The following WWOX variants were observed in gnomAD, a reference collection of about 807,000 sequenced individuals.
The protein encoded by WWOX is WW domain-containing oxidoreductase.
WWOX carries 69 observed loss-of-function variants against 46.2 expected under a neutral mutation model. The observed-to-expected ratio is 1.49, with a 90% CI of 1.23 to 1.82. The LOEUF (loss-of-function observed/expected upper bound fraction) is 1.82. Ranked by LOEUF, WWOX falls within the 40% of genes most tolerant of loss-of-function variation. WWOX has a pLI of 0.00. For missense variants in WWOX, 919 were observed against 542.6 expected (o/e 1.69, Z -6.89); for synonymous variants, 359 against 202.6 (o/e 1.77, Z -6.56).
rs144970531 is a variant in WWOX, at chr16:78,805,753, C to T, written c.1056+373001C>T. ...TGCCAACTTCCTTTAACTCTTTATA[C>T]GGCTATATCTCCATAGATATCCAGT... On this transcript the variant is annotated intron_variant, in intron 8 of 8. Transcript: ENST00000566780. Among the ~76,000 whole-genome samples the T allele has an allele frequency of 1.3e-3, 203 of 152,306 alleles. 1 individual carries two copies. Among genetic ancestry groups the T allele is most frequent in the African/African-American group, 4.5e-3 (189 of 41,562 alleles).
chr16:78,365,487 C>T (rs2081514248), intron 5 of WWOX, among the ~76,000 whole-genome samples: 1 of 152,182 alleles, frequency 6.6e-6, no homozygotes, highest in Admixed American at 6.5e-5. Flanking sequence ...ATCTGGGCAA[C>T]AATGAACATG....
At chr16:78,443,958 G>A (rs1226606591) in intron 8 of WWOX, among the ~76,000 whole-genome samples, 2 of 152,078 alleles carry the variant, frequency 1.3e-5, no homozygotes, top group East Asian at 1.9e-4. Context: ...GCCCCATGAC[G>A]ATGTTTCTGG....
chr16:78,915,874 A>G (rs1443834604), intron 8 of WWOX, among the ~76,000 whole-genome samples: 1 of 152,212 alleles, frequency 6.6e-6, no homozygotes, highest in African/African-American at 2.4e-5. Flanking sequence ...GAACGCTCAA[A>G]GAAGAAAAAT....
At chr16:78,752,631 C>G (rs1477636548) in intron 8 of WWOX, among the ~76,000 whole-genome samples, 1 of 152,168 alleles carries the variant, frequency 6.6e-6, no homozygotes, top group Admixed American at 6.5e-5. Context: ...AACTCACTTT[C>G]AAATCATGAT....
At chr16:78,675,920 G>A (rs2047587125) in intron 8 of WWOX, among the ~76,000 whole-genome samples, 1 of 152,046 alleles carries the variant, frequency 6.6e-6, no homozygotes, top group Non-Finnish European at 1.5e-5. Context: ...AAGTCATAAA[G>A]AAGTGGGAAA....
At chr16:78,144,052 G>T (rs1194339019) in intron 4 of WWOX, among the ~76,000 whole-genome samples, 1 of 152,066 alleles carries the variant, frequency 6.6e-6, no homozygotes, top group East Asian at 1.9e-4. Context: ...CACCACCCCA[G>T]TCAAGATAAT....
chr16:78,885,032 C>G (rs567518940), intron 8 of WWOX, among the ~76,000 whole-genome samples: 19 of 152,136 alleles, frequency 1.2e-4, no homozygotes, highest in Non-Finnish European at 2.6e-4. Context: ...TTCCACTGTG[C>G]AGTGTTTCGT....
intron 4 of WWOX, among the ~76,000 whole-genome samples, chr16:78,132,191 AT>A (rs1008329815): frequency 6.7e-6 from 1 of 148,374 alleles, no homozygotes; most frequent in South Asian, 2.2e-4. Flanking sequence ...CGCCCGGCTA[AT>A]TTTTTTGTAT....
At chr16:78,843,582 C>A (rs114879360) in intron 8 of WWOX, among the ~76,000 whole-genome samples, 1 of 136,942 alleles carries the variant, frequency 7.3e-6, no homozygotes. Flanking sequence ...AGCAGGGGTC[C>A]GGTGTAAAGG....
At chr16:79,110,789 G>A (rs902505456) in intron 8 of WWOX, 1 of 152,210 alleles carries the variant, frequency 6.6e-6, no homozygotes, top group South Asian at 2.1e-4. Flanking sequence ...CCAGTACCCA[G>A]TTTGAATCCC....
intron 8 of WWOX, among the ~76,000 whole-genome samples, chr16:79,087,277 C>T (rs2048871131): frequency 1.3e-5 from 2 of 152,182 alleles, no homozygotes; most frequent in Non-Finnish European, 2.9e-5. Context: ...AGCATGGGGA[C>T]CTCCGGAATG....
intron 5 of WWOX, among the ~76,000 whole-genome samples, chr16:78,358,473 C>G (rs956710086): frequency 3.3e-5 from 5 of 152,128 alleles, no homozygotes; most frequent in African/African-American, 9.7e-5. Flanking sequence ...GCCTGGCCAA[C>G]ATGGTGAAAC....
intron 5 of WWOX, among the ~76,000 whole-genome samples, chr16:78,363,611 C>T (rs143139100): frequency 1.8e-4 from 27 of 152,206 alleles, no homozygotes; most frequent in African/African-American, 6.5e-4. Context: ...ATAAGAAATC[C>T]ACATCTGAGA....
chr16:79,085,138 A>G (rs2150588654), intron 8 of WWOX, among the ~76,000 whole-genome samples: 1 of 152,326 alleles, frequency 6.6e-6, no homozygotes, highest in South Asian at 2.1e-4. Context: ...ATGTAAATAT[A>G]TCTGCATATA....
At chr16:78,178,874 A>G (rs1024238717) in intron 5 of WWOX, among the ~76,000 whole-genome samples, 1 of 151,538 alleles carries the variant, frequency 6.6e-6, no homozygotes, top group African/African-American at 2.4e-5. Flanking sequence ...AAAAAAAAAA[A>G]AAAAGTAATC....
chr16:78,368,392 C>T (rs915421690), intron 5 of WWOX, among the ~76,000 whole-genome samples: 2 of 152,090 alleles, frequency 1.3e-5, no homozygotes, highest in African/African-American at 4.8e-5. Context: ...ACCTGATATC[C>T]CAGAAAGGAG....
intron 6 of WWOX, among the ~76,000 whole-genome samples, chr16:78,408,473 C>G (rs1181375995): frequency 1.3e-5 from 2 of 152,150 alleles, no homozygotes; most frequent in Non-Finnish European, 2.9e-5. Flanking sequence ...AAATTCGGCT[C>G]CACTCACTCT....
At chr16:78,723,669 A>T (rs150228444) in intron 8 of WWOX, among the ~76,000 whole-genome samples, 1 of 130,578 alleles carries the variant, frequency 7.7e-6, no homozygotes, top group African/African-American at 3.0e-5. Flanking sequence ...GGATTCTGAG[A>T]GCATCCTGTA....
intron 8 of WWOX, among the ~76,000 whole-genome samples, chr16:79,043,237 G>T (rs572357445): frequency 1.3e-5 from 2 of 152,234 alleles, no homozygotes; most frequent in East Asian, 3.9e-4. Flanking sequence ...TTTCCTGTGA[G>T]GGTGCCAGGA....
Sources: gnomAD v4.1 joint callset for allele counts (sites outside exome capture counted in the v4.1 genomes callset) on GRCh38, gnomAD v4.1.1 for gene constraint, MANE v1.5 for transcripts, NCBI Gene and HGNC (gene_info 2026-07-23, HGNC 2026-07-21) for gene names.